TACC1: variants seen among roughly 807,000 people sequenced by gnomAD.
TACC1 encodes transforming acidic coiled-coil-containing protein 1.
In TACC1, 48 loss-of-function variants were observed where a neutral mutation model predicts 84.4. That is an observed-to-expected ratio of 0.57 (90% CI 0.45 to 0.72). TACC1 has a LOEUF of 0.72. Among genes scored for constraint, TACC1 ranks in the 30% least tolerant of loss-of-function variants. The probability of loss-of-function intolerance (pLI) is 0.00; values close to 1 mark genes in which losing one functional copy is unlikely to be tolerated. For synonymous variants in TACC1, 372 were observed against 376.3 expected (o/e 0.99, Z 0.13); for missense variants, 920 against 973.0 (o/e 0.95, Z 0.72).
At chr8:38,819,189 G>A (rs1826114891) in intron 2 of TACC1, among the ~76,000 whole-genome samples, 1 of 152,192 alleles carries the variant, frequency 6.6e-6, no homozygotes, top group Non-Finnish European at 1.5e-5. Flanking sequence ...CTCCAGACCA[G>A]TTTTACCCTA....
chr8:38,787,804 CCTCT>C, intron 1 of TACC1, 61 bp downstream of exon 1: 1 of 1,409,416 alleles, frequency 7.1e-7, no homozygotes, highest in Non-Finnish European at 9.4e-7. Context: ...TCTGCGACTC[CCTCT>C]GTGTGCGTGT....
chr8:38,765,258 A>C (rs545388874), intron 3 of TACC1, among the ~76,000 whole-genome samples: 41 of 151,938 alleles, frequency 2.7e-4, no homozygotes, highest in Middle Eastern at 3.4e-3. Context: ...GCACACATGT[A>C]TTGGGCACTT....
intron 3 of TACC1, among the ~76,000 whole-genome samples, chr8:38,822,168 C>T (rs1826993815): frequency 6.6e-6 from 1 of 150,536 alleles, no homozygotes; most frequent in Non-Finnish European, 1.5e-5. Flanking sequence ...TTGCTTGAGC[C>T]CAGGAGGTTG....
upstream of TACC1, among the ~76,000 whole-genome samples, chr8:38,786,380 G>T (rs1817137044): frequency 1.3e-5 from 2 of 152,166 alleles, 1 homozygote; most frequent in South Asian, 4.1e-4. Flanking sequence ...AGAAATCAAA[G>T]ACTTAGAAGT....
chr8:38,734,508 T>C (rs1805581026), intron 1 of TACC1, among the ~76,000 whole-genome samples: 1 of 152,144 alleles, frequency 6.6e-6, no homozygotes, highest in South Asian at 2.1e-4. Flanking sequence ...AGCCTGTGTT[T>C]TTAAAATGAG....
At chr8:38,763,169 G>C (rs976417196) in intron 3 of TACC1, among the ~76,000 whole-genome samples, 1 of 151,886 alleles carries the variant, frequency 6.6e-6, no homozygotes, top group Non-Finnish European at 1.5e-5. Flanking sequence ...TGTTGTTTTA[G>C]ACAAGAGTCT....
rs1309752948 is a variant in TACC1 at position 38,840,218 on chromosome 8, A to G, written c.1917-6A>G. 1.2e-6 allele frequency: 2 copies of G among 1,604,100 alleles called. No individual in the cohort carries two copies. Among genetic ancestry groups the G allele is most frequent in the Non-Finnish European group, 1.7e-6 (2 of 1,175,954 alleles). On this transcript the variant is annotated splice_region_variant and splice_polypyrimidine_tract_variant and intron_variant, in intron 8 of 12. Coordinates refer to ENST00000317827, the MANE Select transcript of TACC1 (RefSeq NM_006283.3). ...TCTGGTAATAAGTTCTTTTTTTCTC[A>G]TTTAGGAAAATTGTAGCTGAATATG...
At chr8:38,825,643 C>T (rs1827883704) in intron 4 of TACC1, among the ~76,000 whole-genome samples, 1 of 151,976 alleles carries the variant, frequency 6.6e-6, no homozygotes, top group East Asian at 1.9e-4. Context: ...TCCAGGGCAC[C>T]GAAGGGAAGA....
At chr8:38,779,076 C>G (rs1164974452) in intron 3 of TACC1, among the ~76,000 whole-genome samples, 2 of 151,538 alleles carry the variant, frequency 1.3e-5, no homozygotes, top group Admixed American at 1.3e-4. Flanking sequence ...ACCTTCTGGG[C>G]TCAAGCGATC....
At chr8:38,822,237 C>A (rs1827014731) in intron 3 of TACC1, among the ~76,000 whole-genome samples, 1 of 123,846 alleles carries the variant, frequency 8.1e-6, no homozygotes, top group Non-Finnish European at 1.6e-5. Flanking sequence ...AGAGCAAGAC[C>A]CTGTCTTTAA....
At chr8:38,823,480 A>G (rs1270390836) in intron 3 of TACC1, among the ~76,000 whole-genome samples, 1 of 152,206 alleles carries the variant, frequency 6.6e-6, no homozygotes, top group East Asian at 1.9e-4. Context: ...CATGCAACCA[A>G]TGCATTAAAT....
intron 4 of TACC1, among the ~76,000 whole-genome samples, chr8:38,826,921 T>G (rs1274005429): frequency 6.6e-6 from 1 of 152,212 alleles, no homozygotes; most frequent in Non-Finnish European, 1.5e-5. Context: ...AACTGCTTGC[T>G]TATAAACTTA....
chr8:38,782,193 C>T (rs1366965017), intron 3 of TACC1, among the ~76,000 whole-genome samples: 1 of 151,986 alleles, frequency 6.6e-6, no homozygotes, highest in Non-Finnish European at 1.5e-5. Context: ...ACAACAGTCC[C>T]CAGAGTGTGA....
intron 9 of TACC1, 56 bp downstream of exon 9, chr8:38,840,323 G>T: frequency 6.7e-7 from 1 of 1,482,178 alleles, no homozygotes; most frequent in Non-Finnish European, 9.4e-7. Context: ...GTCTTAGTCT[G>T]TTCAGCCTGG....
intron 2 of TACC1, among the ~76,000 whole-genome samples, chr8:38,792,766 G>GT (rs1012244480): frequency 6.6e-6 from 1 of 152,030 alleles, no homozygotes; most frequent in Middle Eastern, 3.4e-3. Flanking sequence ...CGCCTGGCCA[G>GT]TTTTTTTATT....
chr8:38,776,360 G>A (rs920953725), intron 3 of TACC1, among the ~76,000 whole-genome samples: 2 of 152,168 alleles, frequency 1.3e-5, no homozygotes, highest in Admixed American at 1.3e-4. Flanking sequence ...CACGGGGCAG[G>A]CTTGAGTCTT....
chr8:38,843,420 T>C, intron 11 of TACC1, 25 bp downstream of exon 11: 1 of 1,539,568 alleles, frequency 6.5e-7, no homozygotes, highest in Non-Finnish European at 8.9e-7. Flanking sequence ...ATGTTGAATT[T>C]CACTCTTCAT....
At chr8:38,742,645 T>C (rs1352133027) in intron 2 of TACC1, among the ~76,000 whole-genome samples, 1 of 152,232 alleles carries the variant, frequency 6.6e-6, no homozygotes, top group Non-Finnish European at 1.5e-5. Context: ...GCTTTGCTAC[T>C]AACTATAACT....
intron 3 of TACC1, among the ~76,000 whole-genome samples, chr8:38,773,561 T>TCTATCTATCTAGCTAG (rs1554503800): frequency 1.3e-5 from 2 of 150,698 alleles, no homozygotes; most frequent in Admixed American, 6.6e-5. Flanking sequence ...TGTAAAAGTA[T>TCTATCTATCTAGCTAG]CTATCTATCT....
Sources: gnomAD v4.1 joint callset for allele counts (sites outside exome capture counted in the v4.1 genomes callset) on GRCh38, gnomAD v4.1.1 for gene constraint, MANE v1.5 for transcripts, NCBI Gene and HGNC (gene_info 2026-07-23, HGNC 2026-07-21) for gene names.